CRLF3: variants seen among roughly 807,000 people sequenced by gnomAD.
CRLF3 encodes cytokine receptor-like factor 3.
CRLF3 carries 33 observed loss-of-function variants against 55.0 expected under a neutral mutation model. The ratio of observed to expected loss-of-function variants is 0.60; its 90% CI spans 0.46 to 0.80. The LOEUF is 0.80. Among genes scored for constraint, CRLF3 ranks in the 30% least tolerant of loss-of-function variants. The pLI is 0.00. For missense variants in CRLF3, 494 were observed against 538.4 expected (o/e 0.92, Z 0.82); for synonymous variants, 238 against 196.8 (o/e 1.21, Z -1.75).
At chr17:30,804,861 A>C (rs1262562497) in intron 1 of CRLF3, among the ~76,000 whole-genome samples, 1 of 152,096 alleles carries the variant, frequency 6.6e-6, no homozygotes, top group African/African-American at 2.4e-5. Context: ...CTATGCCTCA[A>C]TTTTCTTATT....
At position 30,786,013 on chromosome 17, in the gene CRLF3, C is replaced by T. The variant is rs76079056; in HGVS notation, c.978G>A (p.Gln326=). 1 of 1,606,806 alleles carries T rather than the reference C, an allele frequency of 6.2e-7. No homozygotes were observed. The highest frequency in any genetic ancestry group is 1.7e-4 in the Middle Eastern group (1 of 6,048). ...TLTFRVETVG[Q]PDRRDSIGVC... ...CTCCTATGCTATCTCTTCTGTCTGG[C>T]TGTCCCACAGTTTCAACTCTGTAAA... Residue 326 remains glutamine, a synonymous_variant, in exon 7 of 8, where the codon CAG becomes CAA. Transcript: ENST00000324238.
In CRLF3 at chr17:30,784,170, G is replaced by C; in HGVS notation, c.*17C>G. 6.2e-7 allele frequency: 1 copy of C among 1,606,698 alleles called. No individual in the cohort carries two copies. Among genetic ancestry groups the C allele is most frequent in the Non-Finnish European group, 8.5e-7 (1 of 1,176,260 alleles). ...GCTACGTTAGACCCTGAAAACCAAA[G>C]CCAAGCACCCAAACATCTAAAACAC... On this transcript the variant is annotated 3_prime_UTR_variant, in exon 8 of 8. Transcript: ENST00000324238.
intron 4 of CRLF3, among the ~76,000 whole-genome samples, chr17:30,794,109 T>C (rs748546389): frequency 6.6e-6 from 1 of 152,156 alleles, no homozygotes; most frequent in Non-Finnish European, 1.5e-5. Context: ...GCTAGGACTA[T>C]AGGCGTGAGA....
intron 6 of CRLF3, among the ~76,000 whole-genome samples, chr17:30,791,883 G>A (rs923155751): frequency 9.9e-5 from 15 of 151,482 alleles, no homozygotes. Context: ...TTTCGCTCTT[G>A]TTGCCCAGGC....
At chr17:30,821,168 AT>A (rs1904985140) in intron 1 of CRLF3, among the ~76,000 whole-genome samples, 2 of 151,746 alleles carry the variant, frequency 1.3e-5, no homozygotes, top group South Asian at 4.2e-4. Flanking sequence ...GCAAAACCCC[AT>A]CTCTACCAAA....
rs1159336036 is a variant in CRLF3, at chr17:30,788,599, C to CTTTTTTTTTTTTTTT, written c.960-2583_960-2569dup. Among the ~76,000 whole-genome samples the CTTTTTTTTTTTTTTT allele has an allele frequency of 1.2e-4, 10 of 80,036 alleles. 1 individual carries two copies. The highest frequency in any genetic ancestry group is 5.8e-4 in the African/African-American group (10 of 17,232). 52.5% of individuals were successfully genotyped at this position (80,036 alleles called of 152,430 possible). On this transcript the variant is annotated intron_variant, in intron 6 of 7. Transcript: ENST00000324238. ...GGGATAAATAACAAAGTAGTGCCTT[C>CTTTTTTTTTTTTTTT]TTTTTTTTTTTTTTTTTTTTTTTTT...
chr17:30,808,208 G>C (rs778399073), intron 1 of CRLF3, among the ~76,000 whole-genome samples: 3 of 151,048 alleles, frequency 2.0e-5, no homozygotes, highest in Non-Finnish European at 2.9e-5. Context: ...CAGAATCTCA[G>C]GCCCCACCCA....
intron 5 of CRLF3, 87 bp downstream of exon 5, chr17:30,793,363 C>G: frequency 1.1e-6 from 1 of 937,114 alleles, no homozygotes; most frequent in Non-Finnish European, 1.7e-6. Context: ...CTTAGAATAG[C>G]TGGTTGTCAG....
intron 6 of CRLF3, among the ~76,000 whole-genome samples, chr17:30,792,016 T>C (rs910076057): frequency 2.0e-5 from 3 of 151,902 alleles, no homozygotes; most frequent in Admixed American, 6.6e-5. Flanking sequence ...GCCCGGCTGA[T>C]TTTGTATTTT....
chr17:30,809,524 C>T (rs1201437030), intron 1 of CRLF3: 1 of 152,194 alleles, frequency 6.6e-6, no homozygotes, highest in Non-Finnish European at 1.5e-5. Context: ...TAAATCTTCA[C>T]AATGCACTTT....
At chr17:30,806,092 A>G (rs1904394760) in intron 1 of CRLF3, among the ~76,000 whole-genome samples, 1 of 152,154 alleles carries the variant, frequency 6.6e-6, no homozygotes, top group Non-Finnish European at 1.5e-5. Flanking sequence ...AAATGCCCTC[A>G]TTATGCTAAA....
In CRLF3 at chr17:30,792,588, G is replaced by T. The variant is rs1567660562; in HGVS notation, c.827-16C>A. ...GCTGTCCACTCTTTTTCAAAGCAAAGATATTGAAAACTGTTAGAATCTCTT... is the reference window on the plus strand; with the variant it reads ...GCTGTCCACTCTTTTTCAAAGCAAATATATTGAAAACTGTTAGAATCTCTT... On this transcript the variant is annotated splice_polypyrimidine_tract_variant and intron_variant, in intron 5 of 7. Transcript: ENST00000324238. The T allele has an allele frequency of 6.3e-7, 1 of 1,585,962 alleles. No homozygotes were observed. Among genetic ancestry groups the T allele is most frequent in the South Asian group, 1.1e-5 (1 of 89,820 alleles).
chr17:30,784,649 A>T (rs770132832), intron 7 of CRLF3: 4 of 470,346 alleles, frequency 8.5e-6, no homozygotes, highest in Non-Finnish European at 1.5e-5. Flanking sequence ...TGTCATCAAA[A>T]GAAACTTGAC....
At chr17:30,816,922 G>A (rs1904824201) in intron 1 of CRLF3, among the ~76,000 whole-genome samples, 1 of 152,120 alleles carries the variant, frequency 6.6e-6, no homozygotes, top group African/African-American at 2.4e-5. Context: ...TGTAGCAGAT[G>A]ATACCATCTA....
chr17:30,803,685 GA>G (rs1972041082), intron 2 of CRLF3: 2 of 546,768 alleles, frequency 3.7e-6, no homozygotes, highest in Non-Finnish European at 3.3e-6. Flanking sequence ...ATTTTAAGGG[GA>G]AACCCCTTTC....
At chr17:30,818,231 G>A (rs1008850265) in intron 1 of CRLF3, among the ~76,000 whole-genome samples, 1 of 151,832 alleles carries the variant, frequency 6.6e-6, no homozygotes, top group Non-Finnish European at 1.5e-5. Context: ...TTGCACTCCA[G>A]CCTGGGCGAC....
chr17:30,784,050 C>G lies in CRLF3; in HGVS notation c.*137G>C, dbSNP rs1234929459. On this transcript the variant is annotated 3_prime_UTR_variant, in exon 8 of 8. Transcript: ENST00000324238. ...GAAGTCTCTTTTTGCTAAAATATTA[C>G]AAAATGAATCCAGTAAACACTTTCC... 5.5e-6 allele frequency: 4 copies of G among 728,484 alleles called. No homozygotes were observed. In the African/African-American group the frequency reaches 7.1e-5, roughly 13 times the overall value. The allele number at this position is 728,484 out of a possible 1,614,324, so 45.1% of individuals were successfully genotyped here.
At chr17:30,822,709 A>G (rs556658414) in intron 1 of CRLF3, among the ~76,000 whole-genome samples, 1 of 152,308 alleles carries the variant, frequency 6.6e-6, no homozygotes, top group African/African-American at 2.4e-5. Flanking sequence ...AATGCATCCA[A>G]TATCAAGAGA....
Position 30,792,422 on chromosome 17 carries a change from G to A in CRLF3, c.959+18C>T, listed in dbSNP as rs751370162. ...CTCTGCTTCCTGAGGCAGGTGAGAT[G>A]TTTTAATATCTACTTGCCTGAATGT... On this transcript the variant is annotated intron_variant, in intron 6 of 7. Coordinates refer to ENST00000324238, the MANE Select transcript of CRLF3 (RefSeq NM_015986.4). The A allele has an allele frequency of 1.5e-5, 24 of 1,596,880 alleles. No homozygotes were observed. Among genetic ancestry groups the A allele is most frequent in the Non-Finnish European group, 2.0e-5 (23 of 1,165,498 alleles).
Sources: allele counts gnomAD v4.1 joint callset (sites outside exome capture counted in the v4.1 genomes callset), GRCh38; gene constraint gnomAD v4.1.1; transcripts MANE v1.5; gene names NCBI Gene and HGNC (gene_info 2026-07-23, HGNC 2026-07-21).